TEX10: variants seen among roughly 807,000 people sequenced by gnomAD.
TEX10 encodes testis-expressed protein 10.
TEX10 carries 24 observed loss-of-function variants against 104.4 expected under a neutral mutation model. That is an observed-to-expected ratio of 0.23 (90% confidence interval 0.17 to 0.32). TEX10 has a LOEUF of 0.32. TEX10 is among the 10% of genes least tolerant of loss of function. The probability of loss-of-function intolerance (pLI) is 1.00; values close to 1 mark genes in which losing one functional copy is unlikely to be tolerated. For missense variants in TEX10, 921 were observed against 1,083.9 expected, an observed-to-expected ratio of 0.85 and a Z score of 2.11; for synonymous variants, 396 against 393.4, an observed-to-expected ratio of 1.01 and a Z score of -0.08.
chr9:100,308,716 A>G (rs764037473), intron 12 of TEX10, 35 bp from the exon 13 acceptor site: 2 of 1,502,754 alleles, frequency 1.3e-6, no homozygotes, highest in East Asian at 4.8e-5. Context: ...TCACCTCTTC[A>G]TAACAGACCC....
intron 4 of TEX10, among the ~76,000 whole-genome samples, chr9:100,342,506 T>G (rs541987937): frequency 1.3e-5 from 2 of 152,356 alleles, no homozygotes; most frequent in South Asian, 4.1e-4. Flanking sequence ...ACTACCCACA[T>G]GTAGCTGTTG....
intron 4 of TEX10, among the ~76,000 whole-genome samples, chr9:100,345,637 A>T (rs891871879): frequency 1.3e-5 from 2 of 152,182 alleles, no homozygotes; most frequent in African/African-American, 2.4e-5. Flanking sequence ...AAAACAATTC[A>T]AGTCTGATCA....
intron 9 of TEX10, among the ~76,000 whole-genome samples, chr9:100,323,003 T>C (rs1345717665): frequency 1.3e-5 from 2 of 152,144 alleles, no homozygotes; most frequent in African/African-American, 4.8e-5. Flanking sequence ...CAAAGGTCTA[T>C]GGGGACAATA....
At chr9:100,303,952 A>C in intron 13 of TEX10, 110 bp from the exon 14 acceptor site, 1 of 1,052,068 alleles carries the variant, frequency 9.5e-7, no homozygotes, top group Non-Finnish European at 1.4e-6. Context: ...GTTTTCCAAT[A>C]ACATTTAAAC....
intron 11 of TEX10, among the ~76,000 whole-genome samples, chr9:100,312,420 G>A (rs927804608): frequency 6.6e-6 from 1 of 152,154 alleles, no homozygotes; most frequent in Non-Finnish European, 1.5e-5. Context: ...AATATATTAA[G>A]TATAACTGGA....
At chr9:100,351,617 T>C (rs1835452446) in intron 1 of TEX10, among the ~76,000 whole-genome samples, 1 of 152,238 alleles carries the variant, frequency 6.6e-6, no homozygotes. Flanking sequence ...GTGGGTTCTA[T>C]TTAGCCATTA....
intron 14 of TEX10, among the ~76,000 whole-genome samples, chr9:100,303,272 G>GA (rs1254158515): frequency 4.6e-5 from 7 of 152,068 alleles, no homozygotes; most frequent in Admixed American, 1.3e-4. Flanking sequence ...AAGAAAGAAA[G>GA]AAAAAAACTT....
chr9:100,318,969 A>C (rs1402566373), intron 11 of TEX10, among the ~76,000 whole-genome samples: 2 of 152,070 alleles, frequency 1.3e-5, no homozygotes, highest in Non-Finnish European at 2.9e-5. Context: ...AGATGGGAGG[A>C]TCACCTGAGG....
chr9:100,302,899 A>G (rs574471964), intron 14 of TEX10, among the ~76,000 whole-genome samples: 22 of 151,352 alleles, frequency 1.5e-4, no homozygotes, highest in Admixed American at 2.6e-4. Context: ...TAATCTGCCA[A>G]TCAAACTATA....
At chr9:100,329,742 T>C (rs1316871918) in intron 6 of TEX10, among the ~76,000 whole-genome samples, 189 bp downstream of exon 6, 1 of 152,094 alleles carries the variant, frequency 6.6e-6, no homozygotes, top group Non-Finnish European at 1.5e-5. Context: ...AGAGTGGACC[T>C]ACCCACTTAG....
intron 13 of TEX10, chr9:100,307,684 G>A (rs940304435): frequency 6.6e-6 from 1 of 151,954 alleles, no homozygotes; most frequent in Non-Finnish European, 1.5e-5. Flanking sequence ...GTACGTAGAA[G>A]ACATTTAACT....
chr9:100,337,273 T>G (rs1835033368), intron 5 of TEX10, among the ~76,000 whole-genome samples: 1 of 152,202 alleles, frequency 6.6e-6, no homozygotes, highest in Non-Finnish European at 1.5e-5. Context: ...GCCTTGCACA[T>G]AAGAGTCCAA....
chr9:100,328,266 C>A (rs1462446837), intron 7 of TEX10, among the ~76,000 whole-genome samples: 2 of 152,174 alleles, frequency 1.3e-5, no homozygotes, highest in Non-Finnish European at 2.9e-5. Flanking sequence ...CAAATGTACA[C>A]ATTCACCATA....
chr9:100,303,602 C>A (rs3923501), intron 14 of TEX10, 30 bp downstream of exon 14: 4 of 1,610,046 alleles, frequency 2.5e-6, no homozygotes, highest in Admixed American at 1.7e-5. Flanking sequence ...TATGCTAATA[C>A]TGCAAAGCCT....
At chr9:100,351,155 C>CAATG (rs1835431651) in intron 1 of TEX10, among the ~76,000 whole-genome samples, 1 of 151,728 alleles carries the variant, frequency 6.6e-6, no homozygotes, top group South Asian at 2.1e-4. Flanking sequence ...CCCATTTTAA[C>CAATG]AATGTACCTC....
At chr9:100,309,032 A>G (rs1474223043) in intron 12 of TEX10, among the ~76,000 whole-genome samples, 1 of 152,190 alleles carries the variant, frequency 6.6e-6, no homozygotes, top group African/African-American at 2.4e-5. Flanking sequence ...AATACCAACA[A>G]TCATACTTAA....
chr9:100,321,820 G>T, intron 9 of TEX10, 49 bp from the exon 10 acceptor site: 1 of 1,403,178 alleles, frequency 7.1e-7, no homozygotes, highest in Non-Finnish European at 1.0e-6. Flanking sequence ...CAACTTGACA[G>T]ACTTGTCAAA....
chr9:100,330,999 T>C (rs1834848670), intron 5 of TEX10, among the ~76,000 whole-genome samples: 1 of 152,032 alleles, frequency 6.6e-6, no homozygotes, highest in Non-Finnish European at 1.5e-5. Flanking sequence ...CTCACGCCCG[T>C]AATCCCAGCA....
Position 100,322,591 on chromosome 9 carries a change from T to A in TEX10, c.1980-820A>T, listed in dbSNP as rs1588172555. Among the ~76,000 whole-genome samples the A allele has an allele frequency of 5.3e-5, 8 of 152,224 alleles. No individual in the cohort carries two copies. The South Asian group carries it at 1.7e-3, about 32-fold the overall frequency. On this transcript the variant is annotated intron_variant, in intron 9 of 14. Transcript: ENST00000374902. ...AAGTACTTAGTAATTTTTTTACTGT[T>A]ATAATAATTGCATTTATATTTATTT...
Sources: allele counts gnomAD v4.1 joint callset (sites outside exome capture counted in the v4.1 genomes callset), GRCh38; gene constraint gnomAD v4.1.1; transcripts MANE v1.5; gene names NCBI Gene and HGNC (gene_info 2026-07-23, HGNC 2026-07-21).